Variants in NRXN1 observed in about 807,000 individuals in gnomAD.
NRXN1 encodes neurexin 1.
A neutral mutation model predicts 150.9 loss-of-function variants in NRXN1; 39 were observed. That is an observed-to-expected ratio of 0.26 (90% CI 0.20 to 0.34). NRXN1 has a LOEUF of 0.34. Among genes scored for constraint, NRXN1 ranks in the 10% least tolerant of loss-of-function variants. The pLI is 1.00. For synonymous variants in NRXN1, 924 were observed against 757.0 expected, an observed-to-expected ratio of 1.22 and a Z score of -3.62; for missense variants, 1,815 against 1,949.9, an observed-to-expected ratio of 0.93 and a Z score of 1.30.
chr2:50,601,964 T>C (rs1004376051), intron 8 of NRXN1, among the ~76,000 whole-genome samples: 9 of 152,136 alleles, frequency 5.9e-5, no homozygotes, highest in East Asian at 5.8e-4. Flanking sequence ...CAGAAGCTAA[T>C]AGAGTTATAA....
chr2:50,950,500 T>G (rs1422921958), intron 2 of NRXN1, among the ~76,000 whole-genome samples: 1 of 152,174 alleles, frequency 6.6e-6, no homozygotes, highest in East Asian at 1.9e-4. Context: ...AATTGAAGAC[T>G]GTACTGGGGC....
chr2:50,668,961 G>A (rs1260095068), intron 5 of NRXN1, among the ~76,000 whole-genome samples: 1 of 152,018 alleles, frequency 6.6e-6, no homozygotes, highest in Admixed American at 6.6e-5. Context: ...AATAAAAATC[G>A]CTGAGGATGG....
intron 22 of NRXN1, 101 bp downstream of exon 22, chr2:49,943,603 G>C (rs547553513): frequency 1.3e-6 from 1 of 770,632 alleles, no homozygotes; most frequent in South Asian, 1.5e-5. Flanking sequence ...TGGTATAGGA[G>C]GGTAGCCTTC....
At chr2:50,295,298 G>C (rs942524230) in intron 17 of NRXN1, among the ~76,000 whole-genome samples, 1 of 152,144 alleles carries the variant, frequency 6.6e-6, no homozygotes, top group African/African-American at 2.4e-5. Flanking sequence ...GGAACCAAGA[G>C]AGTTTGGATA....
intron 18 of NRXN1, among the ~76,000 whole-genome samples, chr2:50,206,869 A>G (rs2062621307): frequency 6.7e-6 from 1 of 149,954 alleles, no homozygotes; most frequent in Non-Finnish European, 1.5e-5. Flanking sequence ...ACACACACAC[A>G]CAGAAATGGG....
At chr2:50,778,503 G>C (rs898698965) in intron 5 of NRXN1, among the ~76,000 whole-genome samples, 2 of 152,160 alleles carry the variant, frequency 1.3e-5, no homozygotes, top group Non-Finnish European at 2.9e-5. Flanking sequence ...TCTAATTCCA[G>C]GTAGAACCTT....
chr2:50,712,705 T>C (rs1048936458), intron 5 of NRXN1, among the ~76,000 whole-genome samples: 25 of 152,176 alleles, frequency 1.6e-4, no homozygotes, highest in Admixed American at 5.9e-4. Context: ...TTAACTCTCA[T>C]ATGCAGAATT....
chr2:50,434,815 CCTCCTG>C (rs1274218026), intron 17 of NRXN1, among the ~76,000 whole-genome samples: 1 of 151,198 alleles, frequency 6.6e-6, no homozygotes, highest in Non-Finnish European at 1.5e-5. Flanking sequence ...TTTTTTTTTC[CCTCCTG>C]CAGATCAGAC....
chr2:50,548,945 G>A (rs1222444034), intron 9 of NRXN1, among the ~76,000 whole-genome samples: 1 of 152,014 alleles, frequency 6.6e-6, no homozygotes, highest in Non-Finnish European at 1.5e-5. Context: ...AAAATACTGA[G>A]CTAAGGAATA....
chr2:50,342,660 G>A (rs760007618), intron 17 of NRXN1, among the ~76,000 whole-genome samples: 1 of 152,228 alleles, frequency 6.6e-6, no homozygotes, highest in Non-Finnish European at 1.5e-5. Context: ...TTCTAACAGT[G>A]TGCATTATTG....
In NRXN1 at chr2:50,239,067, C is replaced by G. The variant is rs190838571; in HGVS notation, c.3365-2097G>C. 1.5e-3 allele frequency among the ~76,000 whole-genome samples: 179 copies of G among 120,776 alleles called. 1 individual carries two copies. Among genetic ancestry groups the G allele is most frequent in the Non-Finnish European group, 2.6e-3 (139 of 53,862 alleles). 79.2% of individuals were successfully genotyped at this position (120,776 alleles called of 152,430 possible). A position where few individuals can be genotyped will look rare whatever the true frequency, so the allele number is the denominator to read the frequency against. ...TCAGAAATCCCAGGGCTTTCCTGAG[C>G]CACTTATGTTCTACATCCTCAGAAG... is the stretch of plus-strand genomic sequence containing the variant. On this transcript the variant is annotated intron_variant, in intron 17 of 22. Transcript: ENST00000401669.
rs574959767 is a variant in NRXN1, at chr2:50,772,920, A to C, written c.832+148949T>G. Among the ~76,000 whole-genome samples the C allele has an allele frequency of 2.0e-5, 3 of 152,280 alleles. No individual in the cohort carries two copies. The South Asian group carries it at 6.2e-4, about 32-fold the overall frequency. On this transcript the variant is annotated intron_variant, in intron 5 of 22. Transcript: ENST00000401669. ...CTAAACTCAATGCCCTACAAAGAGA[A>C]ACAAAAGGAGGAGCCTCGTCCATCA...
intron 5 of NRXN1, among the ~76,000 whole-genome samples, chr2:50,884,857 T>TTC (rs895176838): frequency 7.3e-5 from 11 of 151,508 alleles, no homozygotes; most frequent in Non-Finnish European, 1.3e-4. Flanking sequence ...TTTTTTTCTA[T>TTC]AAACGCAAAA....
At chr2:50,991,831 G>A (rs1698588073) in intron 2 of NRXN1, among the ~76,000 whole-genome samples, 1 of 151,936 alleles carries the variant, frequency 6.6e-6, no homozygotes, top group African/African-American at 2.4e-5. Flanking sequence ...GCTTTTTATT[G>A]TTAACTCCAT....
At chr2:50,569,644 C>T (rs190250699) in intron 8 of NRXN1, among the ~76,000 whole-genome samples, 1 of 152,022 alleles carries the variant, frequency 6.6e-6, no homozygotes, top group African/African-American at 2.4e-5. Flanking sequence ...CTCTGATATT[C>T]ACCCGTCTAC....
At chr2:50,778,999 G>A (rs1366953536) in intron 5 of NRXN1, among the ~76,000 whole-genome samples, 1 of 152,050 alleles carries the variant, frequency 6.6e-6, no homozygotes, top group Non-Finnish European at 1.5e-5. Flanking sequence ...CTATGTCTCT[G>A]TACCTATATA....
intron 17 of NRXN1, among the ~76,000 whole-genome samples, chr2:50,463,770 T>C (rs1388388987): frequency 1.3e-5 from 2 of 151,792 alleles, no homozygotes; most frequent in Non-Finnish European, 2.9e-5. Flanking sequence ...GGCAACTGTA[T>C]GTAAAACATG....
At chr2:50,991,148 T>C (rs952791182) in intron 2 of NRXN1, among the ~76,000 whole-genome samples, 1 of 152,062 alleles carries the variant, frequency 6.6e-6, no homozygotes, top group Admixed American at 6.6e-5. Context: ...TTTGTTGTCC[T>C]GAATAAGCTG....
At chr2:50,577,709 AACACAC>A (rs145366518) in intron 8 of NRXN1, among the ~76,000 whole-genome samples, 80 of 147,294 alleles carry the variant, frequency 5.4e-4, no homozygotes, top group African/African-American at 9.2e-4. Flanking sequence ...ACCTGACTGA[AACACAC>A]ACACACACAC....
Sources: gnomAD v4.1 joint callset for allele counts (sites outside exome capture counted in the v4.1 genomes callset) on GRCh38, gnomAD v4.1.1 for gene constraint, MANE v1.5 for transcripts, NCBI Gene and HGNC (gene_info 2026-07-23, HGNC 2026-07-21) for gene names.